NECTIN1: variants seen among roughly 807,000 people sequenced by gnomAD.
NECTIN1 encodes nectin-1.
NECTIN1 carries 23 observed loss-of-function variants against 48.0 expected under a neutral mutation model. The ratio of observed to expected loss-of-function variants is 0.48; its 90% CI spans 0.34 to 0.68. The LOEUF (loss-of-function observed/expected upper bound fraction) is 0.68, where lower values mean the gene tolerates loss of function less well. Ranked by LOEUF, NECTIN1 falls within the 30% of genes least tolerant of loss-of-function variation. NECTIN1 has a pLI of 0.01. For synonymous variants in NECTIN1, 270 were observed against 288.9 expected (o/e 0.93, Z 0.66); for missense variants, 591 against 709.9 (o/e 0.83, Z 1.90).
exon 8 of NECTIN1, chr11:119,638,157 C>A (rs780910043): frequency 5.9e-5 from 96 of 1,613,828 alleles, no homozygotes; most frequent in African/African-American, 8.0e-5. Flanking sequence ...GAGGGGGAGA[C>A]CCCCAGATCA....
At chr11:119,705,379 AAAG>A (rs1400481251) in intron 1 of NECTIN1, among the ~76,000 whole-genome samples, 4 of 152,240 alleles carry the variant, frequency 2.6e-5, no homozygotes, top group Admixed American at 6.5e-5. Flanking sequence ...ACCAGACAAG[AAAG>A]AAGATAAAAT....
At chr11:119,674,251 G>A (rs900345281) in intron 5 of NECTIN1, 17 of 998,880 alleles carry the variant, frequency 1.7e-5, no homozygotes, top group African/African-American at 5.0e-5. Flanking sequence ...TAAGACACTC[G>A]GTCACCCTGT....
At position 119,678,721 on chromosome 11, in the gene NECTIN1, A is replaced by C; in HGVS notation, c.124T>G (p.Phe42Val). ...TGCAGAACCACGTCTGTGCCGATGA[A>C]GCCATACATGGAGTCGTTCACCTGG... ...VVQVNDSMYG[F>V]IGTDVVLHCS... The change falls in exon 2 of 6, where the codon TTC (phenylalanine) becomes GTC (valine). Residue 42 changes from phenylalanine (F) to valine (V), a missense_variant. By Grantham distance (50) the Phe-to-Val change is conservative. Coordinates refer to ENST00000264025, the MANE Select transcript of NECTIN1 (RefSeq NM_002855.5). This position sits in a 1 kb window ranked among gnomAD's most constrained non-coding sequence, Gnocchi z 4.4. 1 of 1,613,598 alleles carries C rather than the reference A, an allele frequency of 6.2e-7. No homozygotes were observed. Among genetic ancestry groups the C allele is most frequent in the East Asian group, 2.2e-5 (1 of 44,864 alleles).
chr11:119,692,857 C>T (rs1865281950), intron 1 of NECTIN1, among the ~76,000 whole-genome samples: 1 of 152,222 alleles, frequency 6.6e-6, no homozygotes, highest in African/African-American at 2.4e-5. Context: ...CACGGCCTCC[C>T]TCTCTCCCCT....
At chr11:119,653,531 T>C (rs1591441616) in intron 5 of NECTIN1, among the ~76,000 whole-genome samples, 1 of 152,088 alleles carries the variant, frequency 6.6e-6, no homozygotes, top group Non-Finnish European at 1.5e-5. Context: ...TGGGTCGTGG[T>C]GCGAGACGAC....
Position 119,677,628 on chromosome 11 carries a change from G to A in NECTIN1, c.660C>T (p.His220=). 6.2e-7 allele frequency: 1 copy of A among 1,613,836 alleles called. No individual in the cohort carries two copies. ...TGACGATGCAGGCCAAGGACTGCTG[G>A]TGGGCTTCCCTGCTGGGCACCAGGC... The part of the protein sequence containing the change: ...RYRLVPSREA[H]QQSLACIVNY... Residue 220 remains histidine, a synonymous_variant, in exon 3 of 6, where the codon CAC becomes CAT. Coordinates refer to ENST00000264025, the MANE Select transcript of NECTIN1 (RefSeq NM_002855.5). This position sits in a 1 kb window ranked among gnomAD's most constrained non-coding sequence, Gnocchi z 5.4.
At chr11:119,646,473 C>T (rs918649280) in intron 5 of NECTIN1, among the ~76,000 whole-genome samples, 75 of 152,252 alleles carry the variant, frequency 4.9e-4, no homozygotes, top group Non-Finnish European at 2.2e-4. Context: ...TCGGCTGCTT[C>T]ACCTGTGCTG....
chr11:119,642,644 C>T (rs931474108), intron 5 of NECTIN1: 1 of 153,638 alleles, frequency 6.5e-6, no homozygotes, highest in Non-Finnish European at 1.5e-5. Flanking sequence ...ACAGCCATCC[C>T]TCGGCATCTC....
intron 1 of NECTIN1, among the ~76,000 whole-genome samples, chr11:119,728,173 G>A (rs2134352674): frequency 6.6e-6 from 1 of 152,390 alleles, no homozygotes; most frequent in Non-Finnish European, 1.5e-5. Flanking sequence ...TTCCCGAGCA[G>A]AGAGCTGGTT....
chr11:119,658,876 G>C (rs996666233), downstream of NECTIN1: 1 of 152,172 alleles, frequency 6.6e-6, no homozygotes, highest in South Asian at 2.1e-4. Flanking sequence ...CGTGATTGGC[G>C]CATTCGTGGG....
In NECTIN1 at chr11:119,664,720, T is replaced by G; in HGVS notation, c.*27A>C. 6.3e-7 allele frequency: 1 copy of G among 1,580,748 alleles called. No homozygotes were observed. Among genetic ancestry groups the G allele is most frequent in the Non-Finnish European group, 8.6e-7 (1 of 1,161,522 alleles). ...GCGGGGAGGGGCTGGGGAGGAGCGGTCACAGACAGAGGCTCTGGAAGGGGG... is the reference window on the plus strand; with the variant it reads ...GCGGGGAGGGGCTGGGGAGGAGCGGGCACAGACAGAGGCTCTGGAAGGGGG... On this transcript the variant is annotated 3_prime_UTR_variant, in exon 6 of 6. Coordinates refer to ENST00000264025, the MANE Select transcript of NECTIN1 (RefSeq NM_002855.5).
In NECTIN1 at chr11:119,672,501, C is replaced by A. The variant is rs149926951; in HGVS notation, c.1003+2658G>T. 1.3e-5 allele frequency among the ~76,000 whole-genome samples: 2 copies of A among 152,166 alleles called. No individual in the cohort carries two copies. The highest frequency in any genetic ancestry group is 2.9e-5 in the Non-Finnish European group (2 of 68,024). On this transcript the variant is annotated intron_variant, in intron 5 of 5. Coordinates refer to ENST00000264025, the MANE Select transcript of NECTIN1 (RefSeq NM_002855.5). The surrounding 1 kb of genome is among the most constrained non-coding windows in gnomAD (Gnocchi z 4.3). ...GAAGCACACACAGATTCTGTCCGGTCCATCTCCTCGGTGCCCCCATCGCCA... is the reference window on the plus strand; with the variant it reads ...GAAGCACACACAGATTCTGTCCGGTACATCTCCTCGGTGCCCCCATCGCCA...
At position 119,662,433 on chromosome 11, in the gene NECTIN1, C is replaced by T; in HGVS notation, c.*2314G>A. On this transcript the variant is annotated 3_prime_UTR_variant, in exon 6 of 6. Transcript: ENST00000264025. The surrounding 1 kb of genome is among the most constrained non-coding windows in gnomAD (Gnocchi z 5.3). The stretch of plus-strand genomic sequence containing the variant: ...GGAGCCTCCTACGTGGCCCATGCTA[C>T]ATGGACCCCAAAATTTGTGCTTTGC... The T allele has an allele frequency of 1.0e-6, 1 of 985,760 alleles. No homozygotes were observed. The highest frequency in any genetic ancestry group is 1.2e-6 in the Non-Finnish European group (1 of 829,960). The allele number at this position is 985,760 out of a possible 1,614,324, so 61.1% of individuals were successfully genotyped here.
chr11:119,698,787 G>A (rs1865386601), intron 1 of NECTIN1, among the ~76,000 whole-genome samples: 1 of 152,198 alleles, frequency 6.6e-6, no homozygotes, highest in Admixed American at 6.5e-5. Flanking sequence ...TAATTGCTCT[G>A]GAGGTGGCGA....
chr11:119,694,164 G>A (rs545472182), intron 1 of NECTIN1, among the ~76,000 whole-genome samples: 13 of 152,256 alleles, frequency 8.5e-5, no homozygotes, highest in Admixed American at 2.6e-4. Flanking sequence ...GAAATGGAGG[G>A]GCAGAGAAGG....
intron 1 of NECTIN1, chr11:119,714,057 A>G (rs983287172): frequency 5.2e-5 from 16 of 307,136 alleles, no homozygotes; most frequent in Non-Finnish European, 3.9e-5. Flanking sequence ...CGAAGCTCAG[A>G]TTCTCCAGGG....
At chr11:119,676,794 A>G (rs1864958350) in intron 4 of NECTIN1, 1 of 428,306 alleles carries the variant, frequency 2.3e-6, no homozygotes, top group African/African-American at 2.0e-5. Flanking sequence ...GGTGGGAGTG[A>G]CTCAGACTGA....
chr11:119,646,485 C>G (rs1331714212), intron 5 of NECTIN1, among the ~76,000 whole-genome samples: 1 of 152,240 alleles, frequency 6.6e-6, no homozygotes, highest in East Asian at 1.9e-4. Flanking sequence ...CCTGTGCTGG[C>G]TCTCTGGGCC....
intron 1 of NECTIN1, among the ~76,000 whole-genome samples, chr11:119,711,614 G>C (rs376169948): frequency 4.4e-4 from 67 of 152,254 alleles, no homozygotes; most frequent in East Asian, 2.5e-3. Context: ...GAAGGGGAAG[G>C]GGGGCTGGTG....
Sources: gnomAD v4.1 joint callset for allele counts (sites outside exome capture counted in the v4.1 genomes callset) on GRCh38, gnomAD v4.1.1 for gene constraint, Gnocchi (gnomAD v3.1) non-coding constraint, MANE v1.5 for transcripts, NCBI Gene and HGNC (gene_info 2026-07-23, HGNC 2026-07-21) for gene names.